ADAMTS18: variants seen among roughly 807,000 people sequenced by gnomAD.
ADAMTS18 encodes the protein A disintegrin and metalloproteinase with thrombospondin motifs 18.
ADAMTS18 carries 157 observed loss-of-function variants against 165.9 expected under a neutral mutation model. The observed-to-expected ratio is 0.95, with a 90% confidence interval of 0.83 to 1.08. The LOEUF (loss-of-function observed/expected upper bound fraction) is 1.08. Among genes scored for constraint, ADAMTS18 ranks in the 50% least tolerant of loss-of-function variants. ADAMTS18 has a pLI of 0.00. For synonymous variants in ADAMTS18, 782 were observed against 578.2 expected (o/e 1.35, Z -5.06); for missense variants, 2,040 against 1,534.0 (o/e 1.33, Z -5.51).
At chr16:77,325,625 CAT>C (rs1213812945) in intron 13 of ADAMTS18, among the ~76,000 whole-genome samples, 3 of 147,840 alleles carry the variant, frequency 2.0e-5, no homozygotes, top group Admixed American at 6.8e-5. Flanking sequence ...TCATTCCAAA[CAT>C]ATGAAACCTT....
intron 3 of ADAMTS18, among the ~76,000 whole-genome samples, chr16:77,385,909 G>T (rs181734209): frequency 6.6e-6 from 1 of 152,288 alleles, no homozygotes; most frequent in Admixed American, 6.5e-5. Context: ...GTTAGCAATT[G>T]TGCAGTCCAT....
intron 3 of ADAMTS18, 23 bp downstream of exon 3, chr16:77,431,255 CACGAAAGAGGGAGCTCA>C: frequency 6.2e-7 from 1 of 1,611,332 alleles, no homozygotes; most frequent in Non-Finnish European, 8.5e-7. Flanking sequence ...TTACACAAAA[CACGAAAGAGGGAGCTCA>C]ACTCAGACTG....
chr16:77,299,566 TGAGAGA>T (rs2055541173), intron 17 of ADAMTS18, among the ~76,000 whole-genome samples: 1 of 152,158 alleles, frequency 6.6e-6, no homozygotes, highest in Admixed American at 6.5e-5. Context: ...TAATAGGAAA[TGAGAGA>T]CCAACATTCA....
intron 11 of ADAMTS18, among the ~76,000 whole-genome samples, chr16:77,336,740 G>A (rs1055503585): frequency 6.6e-6 from 1 of 152,086 alleles, no homozygotes; most frequent in Admixed American, 6.5e-5. Context: ...TCTCCCTAGG[G>A]GATGCATTAG....
chr16:77,363,862 C>A lies in ADAMTS18; in HGVS notation c.996G>T (p.Gly332=), dbSNP rs774370951. 1.2e-6 allele frequency: 2 copies of A among 1,613,946 alleles called. No individual in the cohort carries two copies. The highest frequency in any genetic ancestry group is 1.7e-6 in the Non-Finnish European group (2 of 1,179,966). ...CCACGTTTATGTCACTTCCAATAGT[C>A]CCATCTTTAAATAGGCCAGAAACCT... The part of the protein sequence containing the change: ...MNMVSGLFKD[G]TIGSDINVVV... Residue 332 remains glycine, a synonymous_variant, in exon 6 of 23, where the codon GGG becomes GGT. Coordinates refer to ENST00000282849, the MANE Select transcript of ADAMTS18 (RefSeq NM_199355.4).
chr16:77,341,491 AAAAAG>A (rs1431401286), intron 11 of ADAMTS18, among the ~76,000 whole-genome samples: 1 of 152,138 alleles, frequency 6.6e-6, no homozygotes, highest in African/African-American at 2.4e-5. Context: ...CAGGAAGACA[AAAAAG>A]AAAAAAAAAA....
intron 3 of ADAMTS18, among the ~76,000 whole-genome samples, chr16:77,429,674 A>G (rs377665341): frequency 2.8e-4 from 42 of 152,280 alleles, no homozygotes; most frequent in African/African-American, 9.9e-4. Context: ...GATAATATTA[A>G]TCTATTACTA....
chr16:77,368,516 AG>A (rs2056832431), intron 3 of ADAMTS18, among the ~76,000 whole-genome samples: 1 of 144,022 alleles, frequency 6.9e-6, no homozygotes. Flanking sequence ...GGCTCACTGT[AG>A]CCTTGACCTA....
At position 77,353,749 on chromosome 16, in the gene ADAMTS18, C is replaced by G. The variant is rs748649287; in HGVS notation, c.1598G>C (p.Ser533Thr). Reference sequence around the variant, plus strand: ...CAAACATACCTTCACAAAACCAAGGCTGCATAACTTGGCTTTTGCTCCAAA... The same window carrying G: ...CAAACATACCTTCACAAAACCAAGGGTGCATAACTTGGCTTTTGCTCCAAA... ...WQFGAKAKLCSLGFVKDICKS... is the reference protein window; with the variant it reads ...WQFGAKAKLCTLGFVKDICKS... The change falls in exon 10 of 23, where the codon AGC (serine) becomes ACC (threonine). Residue 533 changes from serine (S) to threonine (T), a missense_variant. Physicochemically the swap from Ser to Thr is moderately conservative, Grantham distance 58. Transcript: ENST00000282849. The G allele has an allele frequency of 1.1e-5, 17 of 1,614,198 alleles. No homozygotes were observed. The Admixed American group carries it at 2.8e-4, about 27-fold the overall frequency.
At chr16:77,350,784 C>T (rs114281130) in intron 10 of ADAMTS18, among the ~76,000 whole-genome samples, 1,879 of 152,160 alleles carry the variant, frequency 0.012, 38 homozygotes, top group African/African-American at 0.043. Flanking sequence ...AGGCCTGGGA[C>T]GAGACATTTC....
intron 3 of ADAMTS18, among the ~76,000 whole-genome samples, chr16:77,414,304 C>A (rs1263920919): frequency 1.3e-5 from 2 of 152,200 alleles, no homozygotes; most frequent in African/African-American, 4.8e-5. Context: ...ATGGCTATAC[C>A]TGTACTGCCC....
intron 3 of ADAMTS18, among the ~76,000 whole-genome samples, chr16:77,398,711 T>C (rs550923220): frequency 6.6e-6 from 1 of 152,216 alleles, no homozygotes; most frequent in East Asian, 1.9e-4. Context: ...TTGATGACCT[T>C]AGTACACACC....
intron 12 of ADAMTS18, among the ~76,000 whole-genome samples, chr16:77,328,784 G>A (rs1340516558): frequency 6.6e-6 from 1 of 152,208 alleles, no homozygotes; most frequent in African/African-American, 2.4e-5. Context: ...GGACTGCAAG[G>A]TGTTACTTTA....
At chr16:77,319,731 C>A in intron 16 of ADAMTS18, 118 bp downstream of exon 16, 1 of 1,524,848 alleles carries the variant, frequency 6.6e-7, no homozygotes, top group Non-Finnish European at 9.0e-7. Flanking sequence ...GCATGAGCCA[C>A]CATGCCCGGC....
At chr16:77,310,509 T>A (rs901742456) in intron 16 of ADAMTS18, among the ~76,000 whole-genome samples, 1 of 151,952 alleles carries the variant, frequency 6.6e-6, no homozygotes, top group East Asian at 1.9e-4. Context: ...TTTATGCAGA[T>A]GCTTCTTGTC....
intron 16 of ADAMTS18, among the ~76,000 whole-genome samples, chr16:77,316,287 G>A (rs575313781): frequency 5.4e-5 from 8 of 149,102 alleles, no homozygotes; most frequent in African/African-American, 1.7e-4. Context: ...ACAGAGTCTC[G>A]CTGTGATGCC....
chr16:77,304,353 T>G (rs995025167), intron 16 of ADAMTS18, among the ~76,000 whole-genome samples: 1 of 152,116 alleles, frequency 6.6e-6, no homozygotes, highest in African/African-American at 2.4e-5. Context: ...TCCCAGCTAC[T>G]TGGGAGGCTG....
rs34422251 is a variant in ADAMTS18 at position 77,297,916 on chromosome 16, C to CTTTTTTTTT, written c.2675-510_2675-502dup. ...CCTATCAGCCAGGGCTCTGCTTTTGCTTTTTTTTTTTTTTTTTTTTTTTTT... is the reference window on the plus strand; with the variant it reads ...CCTATCAGCCAGGGCTCTGCTTTTGCTTTTTTTTTTTTTTTTTTTTTTTTTTTTTTTTTT... On this transcript the variant is annotated intron_variant, in intron 17 of 22. Coordinates refer to ENST00000282849, the MANE Select transcript of ADAMTS18 (RefSeq NM_199355.4). Among the ~76,000 whole-genome samples, 29 of 61,554 alleles carry CTTTTTTTTT rather than the reference C, an allele frequency of 4.7e-4. 2 individuals are homozygous for CTTTTTTTTT. Among genetic ancestry groups the CTTTTTTTTT allele is most frequent in the South Asian group, 9.2e-4 (1 of 1,082 alleles). The allele number at this position is 61,554 out of a possible 152,430, so 40.4% of individuals were successfully genotyped here.
At chr16:77,395,537 G>A (rs535732356) in intron 3 of ADAMTS18, among the ~76,000 whole-genome samples, 1 of 152,042 alleles carries the variant, frequency 6.6e-6, no homozygotes, top group Non-Finnish European at 1.5e-5. Context: ...TCAGGGCTGC[G>A]TTCACTCCCC....
Sources: allele counts gnomAD v4.1 joint callset (sites outside exome capture counted in the v4.1 genomes callset), GRCh38; gene constraint gnomAD v4.1.1; transcripts MANE v1.5; gene names NCBI Gene and HGNC (gene_info 2026-07-23, HGNC 2026-07-21).